CDH18: variants seen among roughly 807,000 people sequenced by gnomAD.
The protein encoded by CDH18 is cadherin-18.
Under a neutral mutation model 67.9 loss-of-function variants are expected in CDH18, and 31 were observed. The ratio of observed to expected loss-of-function variants is 0.46; its 90% CI spans 0.34 to 0.62. CDH18 has a LOEUF of 0.62. CDH18 is among the 20% of genes least tolerant of loss of function. The pLI is 0.01. For synonymous variants in CDH18, 362 were observed against 347.2 expected, an observed-to-expected ratio of 1.04 and a Z score of -0.48; for missense variants, 890 against 975.5, an observed-to-expected ratio of 0.91 and a Z score of 1.17.
chr5:20,212,624 A>G (rs1740438876), intron 2 of CDH18, among the ~76,000 whole-genome samples: 1 of 152,238 alleles, frequency 6.6e-6, no homozygotes, highest in East Asian at 1.9e-4. Context: ...CCAATATTCA[A>G]CATTCTTAAG....
At chr5:20,439,448 TAAAC>T (rs200328632) in intron 1 of CDH18, among the ~76,000 whole-genome samples, 3,781 of 142,438 alleles carry the variant, frequency 0.027, 147 homozygotes, top group African/African-American at 0.063. Context: ...ATACACAAGA[TAAAC>T]ACACACACAC....
At chr5:20,040,895 T>G (rs778162319) in intron 2 of CDH18, among the ~76,000 whole-genome samples, 1 of 152,208 alleles carries the variant, frequency 6.6e-6, no homozygotes, top group Non-Finnish European at 1.5e-5. Flanking sequence ...TACCTTTCTA[T>G]GAATTACTGT....
rs138459191 is a variant in CDH18, at chr5:19,691,164, G to A, written c.643+30183C>T. Among the ~76,000 whole-genome samples the A allele has an allele frequency of 6.1e-3, 681 of 111,296 alleles. 6 individuals are homozygous for A. Among genetic ancestry groups the A allele is most frequent in the African/African-American group, 0.016 (645 of 39,480 alleles). 73.0% of individuals were successfully genotyped at this position (111,296 alleles called of 152,430 possible). A position where few individuals can be genotyped will look rare whatever the true frequency, so the allele number is the denominator to read the frequency against. On this transcript the variant is annotated intron_variant, in intron 5 of 12. Transcript: ENST00000382275. ...ATATAATACATCACAATAACAGAAG[G>A]AAGGACAAAAACAGAGAGTCACATA...
At chr5:20,013,417 G>A (rs542124426) in intron 2 of CDH18, among the ~76,000 whole-genome samples, 2 of 151,974 alleles carry the variant, frequency 1.3e-5, no homozygotes, top group African/African-American at 4.8e-5. Flanking sequence ...TAAGTTATCC[G>A]TTGTAGCTCA....
rs1460782994 is a variant in CDH18, at chr5:20,566,256, G to A, written c.-580+9206C>T. On this transcript the variant is annotated intron_variant, in intron 1 of 14. Coordinates refer to the CDH18 transcript ENST00000507958. ...GAGGAAGCAGAGGAAGGAAGCTTCC[G>A]TTGTTGACAAGAGAGACTCAGTTGT... Among the ~76,000 whole-genome samples, 3 of 151,896 alleles carry A rather than the reference G, an allele frequency of 2.0e-5. No homozygotes were observed. In the East Asian group the frequency reaches 5.8e-4, roughly 29 times the overall value.
chr5:19,926,016 CT>C (rs565906723), intron 2 of CDH18, among the ~76,000 whole-genome samples: 2 of 151,914 alleles, frequency 1.3e-5, no homozygotes, highest in Admixed American at 6.6e-5. Context: ...ATAGTATCAA[CT>C]TTTTTTTATT....
intron 2 of CDH18, among the ~76,000 whole-genome samples, chr5:20,001,235 C>G (rs1736414667): frequency 1.3e-5 from 2 of 152,030 alleles, no homozygotes; most frequent in Admixed American, 1.3e-4. Flanking sequence ...TATAAAAGGA[C>G]TGCCAAGTGG....
At chr5:19,717,911 T>C (rs930820273) in intron 5 of CDH18, among the ~76,000 whole-genome samples, 1 of 152,068 alleles carries the variant, frequency 6.6e-6, no homozygotes, top group African/African-American at 2.4e-5. Flanking sequence ...CATCATTTTT[T>C]AGTGCACATT....
intron 2 of CDH18, among the ~76,000 whole-genome samples, chr5:20,084,468 GA>G (rs1164876269): frequency 1.3e-5 from 2 of 152,118 alleles, no homozygotes; most frequent in Non-Finnish European, 2.9e-5. Flanking sequence ...GCTGTCAGTG[GA>G]TATACCATTC....
At chr5:19,730,349 C>T (rs1190377980) in intron 4 of CDH18, among the ~76,000 whole-genome samples, 1 of 152,138 alleles carries the variant, frequency 6.6e-6, no homozygotes, top group Non-Finnish European at 1.5e-5. Flanking sequence ...CTCCTTTATC[C>T]ATTTTGAAAG....
chr5:19,518,317 A>G (rs868627321), intron 10 of CDH18, among the ~76,000 whole-genome samples: 1 of 152,338 alleles, frequency 6.6e-6, no homozygotes, highest in Middle Eastern at 3.4e-3. Flanking sequence ...GCCTGAGGCT[A>G]TCATTGCATT....
chr5:20,494,945 G>A (rs1048628148), intron 1 of CDH18, among the ~76,000 whole-genome samples: 5 of 152,180 alleles, frequency 3.3e-5, no homozygotes, highest in Non-Finnish European at 5.9e-5. Context: ...GAAGCAGAGA[G>A]AGACAGTGAA....
intron 9 of CDH18, among the ~76,000 whole-genome samples, chr5:19,537,830 C>A (rs1050523328): frequency 6.6e-6 from 1 of 152,088 alleles, no homozygotes; most frequent in Non-Finnish European, 1.5e-5. Flanking sequence ...CACTGACTAG[C>A]AAGTATCATT....
intron 2 of CDH18, among the ~76,000 whole-genome samples, chr5:19,859,995 T>TGTGTGG (rs1237993454): frequency 7.3e-4 from 110 of 150,454 alleles, no homozygotes; most frequent in African/African-American, 2.6e-3. Context: ...TTTGGGTGTG[T>TGTGTGG]GTGTGTGTGT....
chr5:19,633,036 C>T (rs1225188429), intron 5 of CDH18, among the ~76,000 whole-genome samples: 2 of 152,194 alleles, frequency 1.3e-5, no homozygotes, highest in Admixed American at 6.5e-5. Context: ...ATTCACACTG[C>T]ATTAACTGGC....
At chr5:20,154,834 C>G (rs928410488) in intron 2 of CDH18, among the ~76,000 whole-genome samples, 2 of 152,148 alleles carry the variant, frequency 1.3e-5, no homozygotes, top group African/African-American at 4.8e-5. Context: ...CATTAATGCC[C>G]TGACTTCAGA....
At chr5:20,542,145 C>T (rs57422051) in intron 1 of CDH18, among the ~76,000 whole-genome samples, 4,041 of 152,174 alleles carry the variant, frequency 0.027, 195 homozygotes, top group African/African-American at 0.09. Context: ...AGTGTTTCAC[C>T]ATGTTCACCA....
chr5:19,648,610 T>A (rs1755130678), intron 5 of CDH18, among the ~76,000 whole-genome samples: 1 of 152,132 alleles, frequency 6.6e-6, no homozygotes, highest in African/African-American at 2.4e-5. Flanking sequence ...ACCTCTTAGC[T>A]ATTCTATTGA....
intron 2 of CDH18, among the ~76,000 whole-genome samples, chr5:20,189,989 G>T (rs1738410886): frequency 6.6e-6 from 1 of 152,106 alleles, no homozygotes; most frequent in Non-Finnish European, 1.5e-5. Flanking sequence ...TGCAGCAGAT[G>T]AGCCATAGAG....
Sources: allele counts gnomAD v4.1 joint callset (sites outside exome capture counted in the v4.1 genomes callset), GRCh38; gene constraint gnomAD v4.1.1; transcripts MANE v1.5; gene names NCBI Gene and HGNC (gene_info 2026-07-23, HGNC 2026-07-21).